The following PSMA1 variants were observed in gnomAD, a reference collection of about 807,000 sequenced individuals.
PSMA1 encodes proteasome 20S subunit alpha 1, also known as proteasome subunit alpha type-1.
PSMA1 carries 3 observed loss-of-function variants against 38.4 expected under a neutral mutation model. The ratio of observed to expected loss-of-function variants is 0.08; its 90% confidence interval spans 0.04 to 0.20. PSMA1 has a LOEUF of 0.20. PSMA1 is among the 10% of genes least tolerant of loss of function. The pLI, the probability that PSMA1 is intolerant of heterozygous loss-of-function variation, is 1.00. For missense variants in PSMA1, 227 were observed against 325.3 expected (o/e 0.70, Z 2.32); for synonymous variants, 101 against 107.1 (o/e 0.94, Z 0.35).
At chr11:14,632,604 T>C (rs1435803972) in intron 1 of PSMA1, among the ~76,000 whole-genome samples, 1 of 151,586 alleles carries the variant, frequency 6.6e-6, no homozygotes, top group Non-Finnish European at 1.5e-5. Flanking sequence ...TTAACATTTT[T>C]TCCTTCATTT....
At chr11:14,546,194 GT>G (rs1334188219) in intron 2 of PSMA1, among the ~76,000 whole-genome samples, 1 of 150,450 alleles carries the variant, frequency 6.6e-6, no homozygotes, top group African/African-American at 2.4e-5. Context: ...AAGAGATAGA[GT>G]TTTTATTTAA....
intron 2 of PSMA1, among the ~76,000 whole-genome samples, chr11:14,540,439 A>G (rs1851761310): frequency 6.6e-6 from 1 of 152,208 alleles, no homozygotes; most frequent in Admixed American, 6.5e-5. Context: ...GCACACTTCC[A>G]GAAAATAAAC....
At chr11:14,622,139 C>A (rs1165012150) in intron 1 of PSMA1, among the ~76,000 whole-genome samples, 1 of 152,164 alleles carries the variant, frequency 6.6e-6, no homozygotes, top group Non-Finnish European at 1.5e-5. Context: ...CGGAGTCAAG[C>A]AATTAGTAGC....
intron 1 of PSMA1, among the ~76,000 whole-genome samples, chr11:14,632,065 CA>C (rs1458463738): frequency 7.2e-6 from 1 of 139,830 alleles, no homozygotes; most frequent in African/African-American, 2.8e-5. Flanking sequence ...TGTGTCTCTG[CA>C]CATGAGATGG....
At chr11:14,595,583 C>T (rs1479745402) in intron 2 of PSMA1, among the ~76,000 whole-genome samples, 1 of 151,988 alleles carries the variant, frequency 6.6e-6, no homozygotes, top group African/African-American at 2.4e-5. Context: ...ATCCTTTACC[C>T]ACTTTTTGAT....
chr11:14,625,287 A>C (rs1358085173), intron 1 of PSMA1, among the ~76,000 whole-genome samples: 1 of 152,118 alleles, frequency 6.6e-6, no homozygotes, highest in Non-Finnish European at 1.5e-5. Flanking sequence ...TATCTCTACC[A>C]AAAATACAAA....
chr11:14,559,653 G>A (rs879763520), intron 2 of PSMA1, among the ~76,000 whole-genome samples: 2 of 152,234 alleles, frequency 1.3e-5, no homozygotes, highest in African/African-American at 2.4e-5. Flanking sequence ...AGGAAACAAG[G>A]TGTCCATGCT....
chr11:14,630,807 G>T (rs1565063305), intron 1 of PSMA1, among the ~76,000 whole-genome samples: 1 of 152,080 alleles, frequency 6.6e-6, no homozygotes. Context: ...GACTCTTTTT[G>T]GTTGGTAAGC....
intron 2 of PSMA1, among the ~76,000 whole-genome samples, chr11:14,600,730 C>T (rs1039969965): frequency 7.2e-5 from 11 of 152,224 alleles, no homozygotes; most frequent in Non-Finnish European, 2.9e-5. Context: ...TGTTTCTGCT[C>T]GCCCTCTGTG....
At chr11:14,542,482 T>C (rs1458142967) in intron 2 of PSMA1, among the ~76,000 whole-genome samples, 2 of 152,212 alleles carry the variant, frequency 1.3e-5, no homozygotes, top group African/African-American at 4.8e-5. Context: ...CAATAGAAAA[T>C]GTTTCCTTCC....
At chr11:14,544,814 A>G (rs1202915497) in intron 2 of PSMA1, among the ~76,000 whole-genome samples, 2 of 152,204 alleles carry the variant, frequency 1.3e-5, no homozygotes, top group South Asian at 4.1e-4. Context: ...ATGACTCAGC[A>G]ATTCTATTTC....
At chr11:14,583,899 G>A (rs1158536475) in intron 2 of PSMA1, among the ~76,000 whole-genome samples, 1 of 152,016 alleles carries the variant, frequency 6.6e-6, no homozygotes, top group Non-Finnish European at 1.5e-5. Flanking sequence ...TTTTCACTTG[G>A]GGGACTCCTT....
chr11:14,571,731 G>A (rs1414814670), intron 2 of PSMA1, among the ~76,000 whole-genome samples: 1 of 152,128 alleles, frequency 6.6e-6, no homozygotes, highest in African/African-American at 2.4e-5. Flanking sequence ...ATTGGATAAA[G>A]AGTCAAGACC....
chr11:14,552,017 T>C (rs562212063), intron 2 of PSMA1, among the ~76,000 whole-genome samples: 1 of 152,312 alleles, frequency 6.6e-6, no homozygotes, highest in South Asian at 2.1e-4. Context: ...TTCAAGTTAG[T>C]GGTTTTCCTC....
upstream of PSMA1, among the ~76,000 whole-genome samples, chr11:14,521,304 T>G (rs116802684): frequency 6.4e-3 from 593 of 93,368 alleles, 5 homozygotes; most frequent in African/African-American, 0.02. Context: ...GCTACAATAA[T>G]AATAAGAATA....
chr11:14,634,184 A>G (rs1221077217), intron 1 of PSMA1, among the ~76,000 whole-genome samples: 1 of 152,170 alleles, frequency 6.6e-6, no homozygotes, highest in African/African-American at 2.4e-5. Flanking sequence ...TTTCATCCCA[A>G]AATCATCCCC....
chr11:14,519,909 G>T (rs1358695453), intron 1 of PSMA1: 1 of 220,262 alleles, frequency 4.5e-6, no homozygotes, highest in African/African-American at 2.3e-5. Context: ...ACAAACCTGG[G>T]GGTCAAGTCC....
intron 1 of PSMA1, among the ~76,000 whole-genome samples, chr11:14,628,245 C>T (rs181202214): frequency 0.018 from 2,638 of 149,764 alleles, 78 homozygotes; most frequent in African/African-American, 0.062. Flanking sequence ...TATACATGTG[C>T]CATGCTGGTG....
chr11:14,542,305 A>G (rs879326169), intron 2 of PSMA1, among the ~76,000 whole-genome samples: 1 of 152,120 alleles, frequency 6.6e-6, no homozygotes, highest in Non-Finnish European at 1.5e-5. Context: ...TCCTCCTGCT[A>G]ATTTTGTACA....
Sources: allele counts gnomAD v4.1 joint callset (sites outside exome capture counted in the v4.1 genomes callset), GRCh38; gene constraint gnomAD v4.1.1; transcripts MANE v1.5; gene names NCBI Gene and HGNC (gene_info 2026-07-23, HGNC 2026-07-21).